The following SGCZ variants were observed in gnomAD, a reference collection of about 807,000 sequenced individuals.
SGCZ encodes the protein sarcoglycan zeta, also known as zeta-sarcoglycan.
In SGCZ, 40 loss-of-function variants were observed where a neutral mutation model predicts 41.3. That is an observed-to-expected ratio of 0.97 (90% CI 0.75 to 1.26). The LOEUF (loss-of-function observed/expected upper bound fraction) is 1.26. SGCZ is among the 50% of genes most tolerant of loss of function. SGCZ has a pLI of 0.00. For missense variants in SGCZ, 552 were observed against 369.8 expected, an observed-to-expected ratio of 1.49 and a Z score of -4.04; for synonymous variants, 206 against 137.5, an observed-to-expected ratio of 1.50 and a Z score of -3.49.
At chr8:14,828,491 G>C (rs1030413875) in intron 1 of SGCZ, among the ~76,000 whole-genome samples, 4 of 152,188 alleles carry the variant, frequency 2.6e-5, no homozygotes, top group South Asian at 2.1e-4. Flanking sequence ...CAAGTGCTGA[G>C]TTTTCGATGG....
intron 3 of SGCZ, among the ~76,000 whole-genome samples, chr8:14,283,012 G>A (rs1800502076): frequency 6.6e-6 from 1 of 150,680 alleles, no homozygotes; most frequent in Non-Finnish European, 1.5e-5. Flanking sequence ...ACCACGCCCG[G>A]CTAATTTTTT....
intron 1 of SGCZ, among the ~76,000 whole-genome samples, chr8:15,166,220 T>G (rs1458420380): frequency 6.6e-6 from 1 of 151,588 alleles, no homozygotes; most frequent in East Asian, 2.0e-4. Flanking sequence ...ATTGCCAAAA[T>G]GATGCTCAAT....
At chr8:15,128,401 G>C (rs952890371) in intron 1 of SGCZ, among the ~76,000 whole-genome samples, 1 of 152,168 alleles carries the variant, frequency 6.6e-6, no homozygotes, top group Admixed American at 6.5e-5. Flanking sequence ...CCATGCCTCA[G>C]CTCCCACTGC....
At chr8:14,981,432 C>T (rs1426681037) in intron 1 of SGCZ, among the ~76,000 whole-genome samples, 1 of 152,208 alleles carries the variant, frequency 6.6e-6, no homozygotes, top group African/African-American at 2.4e-5. Flanking sequence ...TTCATGCCTA[C>T]TGAAACGAAC....
intron 5 of SGCZ, among the ~76,000 whole-genome samples, chr8:14,110,737 A>T (rs888084583): frequency 6.6e-6 from 1 of 152,150 alleles, no homozygotes; most frequent in Non-Finnish European, 1.5e-5. Context: ...TGAACCAGGT[A>T]TGAAGTCTAA....
intron 4 of SGCZ, among the ~76,000 whole-genome samples, chr8:14,186,914 G>A (rs933174121): frequency 9.9e-5 from 15 of 152,108 alleles, no homozygotes; most frequent in African/African-American, 2.7e-4. Context: ...AAACTGAGCT[G>A]AGAAACTATT....
intron 1 of SGCZ, among the ~76,000 whole-genome samples, chr8:15,099,052 C>T (rs1027792910): frequency 6.6e-6 from 1 of 152,208 alleles, no homozygotes; most frequent in African/African-American, 2.4e-5. Flanking sequence ...AGCGAGACTC[C>T]GTCTCAAAAA....
intron 2 of SGCZ, among the ~76,000 whole-genome samples, chr8:14,429,172 T>C (rs1377560748): frequency 6.6e-6 from 1 of 152,132 alleles, no homozygotes; most frequent in Non-Finnish European, 1.5e-5. Flanking sequence ...CAGTAAAACA[T>C]AAACATAACA....
intron 3 of SGCZ, among the ~76,000 whole-genome samples, chr8:14,289,557 G>C (rs1800769571): frequency 6.6e-6 from 1 of 151,972 alleles, no homozygotes; most frequent in South Asian, 2.1e-4. Flanking sequence ...TTATACTCTT[G>C]TCAAAACTCA....
chr8:14,980,853 CTCTA>C (rs1451431024), intron 1 of SGCZ, among the ~76,000 whole-genome samples: 47 of 150,568 alleles, frequency 3.1e-4, no homozygotes, highest in Middle Eastern at 3.4e-3. Context: ...TAATCTGTCT[CTCTA>C]TCTATCTTTT....
intron 1 of SGCZ, among the ~76,000 whole-genome samples, chr8:14,742,058 T>C (rs1383283832): frequency 2.0e-5 from 3 of 152,074 alleles, no homozygotes; most frequent in Non-Finnish European, 2.9e-5. Flanking sequence ...AAATGATAAC[T>C]GGAGTATAGT....
chr8:14,845,575 G>T (rs888117148), intron 1 of SGCZ, among the ~76,000 whole-genome samples: 1 of 152,128 alleles, frequency 6.6e-6, no homozygotes, highest in African/African-American at 2.4e-5. Context: ...TTTGTAGACA[G>T]AAACACGAAT....
intron 4 of SGCZ, among the ~76,000 whole-genome samples, chr8:14,196,913 T>C: frequency 6.6e-6 from 1 of 152,252 alleles, no homozygotes; most frequent in East Asian, 1.9e-4. Context: ...ATGCCATATT[T>C]ATATATAGAG....
At chr8:14,285,483 C>G (rs1219007871) in intron 3 of SGCZ, among the ~76,000 whole-genome samples, 2 of 152,146 alleles carry the variant, frequency 1.3e-5, no homozygotes, top group African/African-American at 4.8e-5. Flanking sequence ...TCTGAGGAAC[C>G]ATAGACAGAA....
chr8:14,332,125 G>A (rs544719663), intron 2 of SGCZ, among the ~76,000 whole-genome samples: 10 of 151,906 alleles, frequency 6.6e-5, no homozygotes, highest in South Asian at 2.1e-4. Flanking sequence ...AAAAAATGCA[G>A]GATGAAAAAT....
chr8:14,131,597 G>T (rs73522453), intron 5 of SGCZ, among the ~76,000 whole-genome samples: 26,664 of 151,900 alleles, frequency 0.18, 3,143 homozygotes, highest in East Asian at 0.62. Context: ...TGATTAAAAA[G>T]TGTCTTGTCT....
intron 1 of SGCZ, among the ~76,000 whole-genome samples, chr8:14,717,492 G>C (rs968587007): frequency 9.2e-5 from 14 of 152,178 alleles, no homozygotes; most frequent in Non-Finnish European, 7.4e-5. Flanking sequence ...GAACAGTCTG[G>C]AAGGTACTGG....
In SGCZ at chr8:14,220,253, G is replaced by A. The variant is rs114840970; in HGVS notation, c.424+17339C>T. On this transcript the variant is annotated intron_variant, in intron 4 of 7. Coordinates refer to ENST00000382080, the MANE Select transcript of SGCZ (RefSeq NM_139167.4). ...AATGGATAAATTGTAGTGTATTTATGAATGGAACTACCATGCGCAATGGTA... is the reference window on the plus strand; with the variant it reads ...AATGGATAAATTGTAGTGTATTTATAAATGGAACTACCATGCGCAATGGTA... Among the ~76,000 whole-genome samples, 751 of 152,266 alleles carry A rather than the reference G, an allele frequency of 4.9e-3. 6 individuals carry two copies. Among genetic ancestry groups the A allele is most frequent in the African/African-American group, 0.014 (580 of 41,548 alleles).
intron 3 of SGCZ, among the ~76,000 whole-genome samples, chr8:14,246,802 C>G (rs919420159): frequency 2.1e-5 from 3 of 145,640 alleles, no homozygotes; most frequent in African/African-American, 7.7e-5. Flanking sequence ...CCCAGCTACT[C>G]GGGAGGCTGA....
Sources: gnomAD v4.1 joint callset for allele counts (sites outside exome capture counted in the v4.1 genomes callset) on GRCh38, gnomAD v4.1.1 for gene constraint, MANE v1.5 for transcripts, NCBI Gene and HGNC (gene_info 2026-07-23, HGNC 2026-07-21) for gene names.